Variants in SPATA16 observed in about 807,000 individuals in gnomAD.
SPATA16 encodes the protein spermatogenesis-associated protein 16.
In SPATA16, 36 loss-of-function variants were observed where a neutral mutation model predicts 63.3. The ratio of observed to expected loss-of-function variants is 0.57; its 90% CI spans 0.44 to 0.75. The LOEUF (loss-of-function observed/expected upper bound fraction) is 0.75. SPATA16 is among the 30% of genes least tolerant of loss of function. The probability of loss-of-function intolerance (pLI) is 0.00; values close to 1 mark genes in which losing one functional copy is unlikely to be tolerated. For synonymous variants in SPATA16, 203 were observed against 216.7 expected (o/e 0.94, Z 0.56); for missense variants, 646 against 679.3 (o/e 0.95, Z 0.54).
intron 1 of SPATA16, among the ~76,000 whole-genome samples, chr3:173,127,475 T>C (rs1327471720): frequency 2.0e-5 from 3 of 152,218 alleles, no homozygotes; most frequent in African/African-American, 4.8e-5. Flanking sequence ...CAAGATAATG[T>C]ATTGTGTCTC....
At chr3:173,122,352 A>G (rs546677378) in intron 1 of SPATA16, among the ~76,000 whole-genome samples, 6 of 152,244 alleles carry the variant, frequency 3.9e-5, no homozygotes, top group African/African-American at 1.4e-4. Flanking sequence ...TGCTTCATAG[A>G]TTCAATCAGT....
intron 2 of SPATA16, among the ~76,000 whole-genome samples, chr3:173,093,700 A>G (rs544077738): frequency 3.9e-5 from 6 of 152,308 alleles, no homozygotes; most frequent in East Asian, 1.9e-4. Context: ...TCGCTATTGT[A>G]TATAGCATGC....
intron 4 of SPATA16, among the ~76,000 whole-genome samples, chr3:173,010,926 A>C (rs1230637228): frequency 6.6e-6 from 1 of 152,084 alleles, no homozygotes; most frequent in Non-Finnish European, 1.5e-5. Context: ...TCGAGTTCCA[A>C]AGTTGAATCA....
intron 4 of SPATA16, among the ~76,000 whole-genome samples, chr3:172,985,134 C>T (rs183366084): frequency 7.5e-4 from 114 of 152,284 alleles, no homozygotes; most frequent in African/African-American, 2.7e-3. Context: ...TGGTCCTCCT[C>T]CCTTATCCCC....
rs982275505 is a variant in SPATA16, at chr3:172,951,191, G to GA, written c.1081+5485dup. ...TAATAAAAATGGATAGCTATACTGT[G>GA]AAAAAAAATCAGTAATTTTTTTCTC... is the stretch of plus-strand genomic sequence containing the variant. On this transcript the variant is annotated intron_variant, in intron 6 of 10. Transcript: ENST00000351008. Among the ~76,000 whole-genome samples, 6 of 151,526 alleles carry GA rather than the reference G, an allele frequency of 4.0e-5. No individual in the cohort carries two copies. The South Asian group carries it at 8.4e-4, about 21-fold the overall frequency.
rs1008044506 is a variant in SPATA16, at chr3:172,992,523, G to A, written c.849-15471C>T. 1.2e-4 allele frequency among the ~76,000 whole-genome samples: 19 copies of A among 152,060 alleles called. 1 individual carries two copies. The highest frequency in any genetic ancestry group is 1.2e-3 in the Admixed American group (18 of 15,244). ...AAAGGAAGGTAGGGGACTCTAGGGT[G>A]TGTGTGTTGGCTTGGTGGGGAGGAT... On this transcript the variant is annotated intron_variant, in intron 4 of 10. Transcript: ENST00000351008.
At chr3:172,941,573 C>T (rs962483556) in intron 6 of SPATA16, among the ~76,000 whole-genome samples, 12 of 152,066 alleles carry the variant, frequency 7.9e-5, no homozygotes, top group African/African-American at 2.9e-4. Context: ...AAATTTATAA[C>T]CTGTTGAACT....
At chr3:173,127,779 A>C (rs957799095) in intron 1 of SPATA16, among the ~76,000 whole-genome samples, 3 of 152,242 alleles carry the variant, frequency 2.0e-5, no homozygotes, top group Admixed American at 2.0e-4. Flanking sequence ...TAGTTTTTCC[A>C]GAGTATAGTT....
intron 2 of SPATA16, among the ~76,000 whole-genome samples, chr3:173,057,692 A>G (rs1165138307): frequency 1.3e-5 from 2 of 152,262 alleles, no homozygotes; most frequent in African/African-American, 4.8e-5. Context: ...CACGCACCAG[A>G]GCCACACAGT....
At chr3:172,907,273 T>C (rs1367751834) in intron 10 of SPATA16, among the ~76,000 whole-genome samples, 1 of 152,178 alleles carries the variant, frequency 6.6e-6, no homozygotes, top group Non-Finnish European at 1.5e-5. Context: ...CTTATACTAG[T>C]CTCCCTCTAA....
intron 8 of SPATA16, among the ~76,000 whole-genome samples, chr3:172,917,799 G>A (rs2109568075): frequency 6.6e-6 from 1 of 152,316 alleles, no homozygotes; most frequent in East Asian, 1.9e-4. Context: ...GAGAAAAACT[G>A]CTAGAAACTA....
At chr3:173,019,370 G>T in intron 4 of SPATA16, 116 bp downstream of exon 4, 2 of 921,796 alleles carry the variant, frequency 2.2e-6, no homozygotes, top group Non-Finnish European at 3.6e-6. Context: ...ACAATAATTT[G>T]GATAAAATCA....
At chr3:172,917,311 A>T (rs1355224841) in intron 8 of SPATA16, among the ~76,000 whole-genome samples, 1 of 152,238 alleles carries the variant, frequency 6.6e-6, no homozygotes, top group Non-Finnish European at 1.5e-5. Flanking sequence ...TATCTTTAAG[A>T]AAAAGTACTT....
chr3:173,049,876 G>T (rs1227898477), intron 2 of SPATA16, among the ~76,000 whole-genome samples: 1 of 151,924 alleles, frequency 6.6e-6, no homozygotes, highest in Non-Finnish European at 1.5e-5. Flanking sequence ...TTTCCCCTCA[G>T]AGTATTCTAC....
intron 2 of SPATA16, among the ~76,000 whole-genome samples, chr3:173,062,044 A>ATTTTTTTTTTTTTTTTTTTTTT (rs10618031): frequency 8.7e-6 from 1 of 115,538 alleles, no homozygotes; most frequent in Non-Finnish European, 1.7e-5. Flanking sequence ...GTGCTTCAAC[A>ATTTTTTTTTTTTTTTTTTTTTT]TTTTTTTTTT....
intron 2 of SPATA16, among the ~76,000 whole-genome samples, chr3:173,084,829 C>T (rs1408471775): frequency 6.6e-6 from 1 of 151,860 alleles, no homozygotes; most frequent in South Asian, 2.1e-4. Context: ...AGATGTTGTA[C>T]ATATGTGATC....
chr3:173,070,760 T>G (rs1361719105), intron 2 of SPATA16, among the ~76,000 whole-genome samples: 3 of 151,946 alleles, frequency 2.0e-5, no homozygotes, highest in African/African-American at 7.3e-5. Context: ...ACCAAAGAAG[T>G]AAAAGATTTC....
At chr3:173,023,550 AT>A (rs1339534533) in intron 3 of SPATA16, among the ~76,000 whole-genome samples, 2 of 151,900 alleles carry the variant, frequency 1.3e-5, no homozygotes, top group African/African-American at 4.8e-5. Context: ...CAAAAAGATC[AT>A]TTGGTGATTT....
At chr3:172,903,375 C>A (rs1398456654) in intron 10 of SPATA16, among the ~76,000 whole-genome samples, 2 of 152,210 alleles carry the variant, frequency 1.3e-5, no homozygotes, top group Non-Finnish European at 2.9e-5. Context: ...ACGAGCATTT[C>A]CAATTTCTGT....
Sources: gnomAD v4.1 joint callset for allele counts (sites outside exome capture counted in the v4.1 genomes callset) on GRCh38, gnomAD v4.1.1 for gene constraint, MANE v1.5 for transcripts, NCBI Gene and HGNC (gene_info 2026-07-23, HGNC 2026-07-21) for gene names.